The following RIMS1 variants were observed in gnomAD, a reference collection of about 807,000 sequenced individuals.
RIMS1 encodes regulating synaptic membrane exocytosis protein 1.
Under a neutral mutation model 214.1 loss-of-function variants are expected in RIMS1, and 83 were observed. That is an observed-to-expected ratio of 0.39 (90% CI 0.32 to 0.47). The LOEUF (loss-of-function observed/expected upper bound fraction) is 0.47. Ranked by LOEUF, RIMS1 falls within the 20% of genes least tolerant of loss-of-function variation. RIMS1 has a pLI of 0.99. For missense variants in RIMS1, 2,050 were observed against 2,161.8 expected (o/e 0.95, Z 1.03); for synonymous variants, 793 against 786.8 (o/e 1.01, Z -0.13).
intron 16 of RIMS1, among the ~76,000 whole-genome samples, chr6:72,255,245 T>C (rs973148670): frequency 1.3e-5 from 2 of 152,194 alleles, no homozygotes; most frequent in African/African-American, 2.4e-5. Context: ...TATGTACTTT[T>C]AGATGTTGGT....
intron 2 of RIMS1, among the ~76,000 whole-genome samples, chr6:72,057,141 G>A (rs1319901299): frequency 6.6e-6 from 1 of 152,094 alleles, no homozygotes; most frequent in African/African-American, 2.4e-5. Flanking sequence ...TAACAAACCT[G>A]CATTTGTACC....
intron 4 of RIMS1, among the ~76,000 whole-genome samples, chr6:72,149,144 A>T (rs937434809): frequency 2.0e-5 from 3 of 152,146 alleles, no homozygotes; most frequent in African/African-American, 7.2e-5. Context: ...ACAGGGGAAA[A>T]AAAAACTTTA....
At chr6:72,209,212 A>T (rs971057781) in intron 6 of RIMS1, among the ~76,000 whole-genome samples, 20 of 152,238 alleles carry the variant, frequency 1.3e-4, no homozygotes, top group African/African-American at 4.8e-4. Context: ...CCCCCTTGAT[A>T]GATAGCGTCA....
chr6:72,285,358 A>G (rs1225767917), intron 24 of RIMS1, among the ~76,000 whole-genome samples: 1 of 152,230 alleles, frequency 6.6e-6, no homozygotes, highest in East Asian at 1.9e-4. Flanking sequence ...TCAGTGATTC[A>G]TTCAGTTAAC....
At chr6:71,911,020 C>T (rs1430983013) in intron 1 of RIMS1, among the ~76,000 whole-genome samples, 1 of 152,036 alleles carries the variant, frequency 6.6e-6, no homozygotes, top group Admixed American at 6.6e-5. Flanking sequence ...CTAATTTAGG[C>T]ATTAGGTTCT....
intron 2 of RIMS1, among the ~76,000 whole-genome samples, chr6:72,026,709 C>A (rs1467068664): frequency 6.6e-6 from 1 of 152,114 alleles, no homozygotes; most frequent in Non-Finnish European, 1.5e-5. Context: ...ATCATTTCCA[C>A]CATCACCTCA....
At chr6:71,958,742 A>G (rs1466965528) in intron 1 of RIMS1, among the ~76,000 whole-genome samples, 1 of 152,164 alleles carries the variant, frequency 6.6e-6, no homozygotes. Flanking sequence ...AGGTGAGGCC[A>G]TAAAAATGAC....
chr6:72,381,970 A>G (rs2098498681), intron 29 of RIMS1, among the ~76,000 whole-genome samples: 1 of 152,236 alleles, frequency 6.6e-6, no homozygotes, highest in Non-Finnish European at 1.5e-5. Context: ...ATCACTAGGA[A>G]AGATTTGAAA....
chr6:72,217,285 A>G (rs1175533640), intron 6 of RIMS1: 1 of 1,461,784 alleles, frequency 6.8e-7, no homozygotes, highest in East Asian at 2.5e-5. Flanking sequence ...TGTAAAGTTA[A>G]TGTAATTTAT....
chr6:72,158,972 C>T (rs2044865399), intron 4 of RIMS1, among the ~76,000 whole-genome samples: 1 of 140,144 alleles, frequency 7.1e-6, no homozygotes, highest in African/African-American at 2.5e-5. Flanking sequence ...GAGGAATCGC[C>T]ACACTGACTT....
intron 2 of RIMS1, among the ~76,000 whole-genome samples, chr6:72,025,487 C>G (rs1300722757): frequency 6.6e-6 from 1 of 152,164 alleles, no homozygotes; most frequent in Non-Finnish European, 1.5e-5. Context: ...AGATAATACT[C>G]TTAACTATAA....
intron 27 of RIMS1, among the ~76,000 whole-genome samples, chr6:72,309,686 C>G (rs1333211752): frequency 6.6e-6 from 1 of 151,966 alleles, no homozygotes; most frequent in Non-Finnish European, 1.5e-5. Context: ...TACTATGGCT[C>G]TTACTGAATA....
intron 6 of RIMS1, among the ~76,000 whole-genome samples, chr6:72,210,710 T>G (rs2053657454): frequency 6.6e-6 from 1 of 152,232 alleles, no homozygotes; most frequent in South Asian, 2.1e-4. Context: ...GAATTCAAAT[T>G]CTGGTGTTGC....
intron 6 of RIMS1, among the ~76,000 whole-genome samples, chr6:72,204,867 G>A (rs1289784107): frequency 6.6e-6 from 1 of 152,054 alleles, no homozygotes; most frequent in Non-Finnish European, 1.5e-5. Flanking sequence ...GTATATAAAA[G>A]TACTGCTGAG....
intron 4 of RIMS1, among the ~76,000 whole-genome samples, chr6:72,100,653 A>G (rs1056753049): frequency 2.6e-5 from 4 of 151,900 alleles, no homozygotes; most frequent in African/African-American, 4.8e-5. Context: ...ATTTGGTGTA[A>G]ATTTTATACA....
chr6:72,122,610 C>G (rs896982919), intron 4 of RIMS1, among the ~76,000 whole-genome samples: 1 of 151,662 alleles, frequency 6.6e-6, no homozygotes, highest in Non-Finnish European at 1.5e-5. Flanking sequence ...TGGTCCTGGA[C>G]TTTTTTTGGT....
intron 2 of RIMS1, among the ~76,000 whole-genome samples, chr6:72,087,035 A>G (rs938069032): frequency 1.3e-5 from 2 of 152,234 alleles, no homozygotes; most frequent in Admixed American, 6.5e-5. Context: ...GTTTGATTGT[A>G]TATGTACCTT....
intron 4 of RIMS1, among the ~76,000 whole-genome samples, chr6:72,110,794 A>G (rs1263006372): frequency 6.6e-6 from 1 of 152,116 alleles, no homozygotes; most frequent in Non-Finnish European, 1.5e-5. Flanking sequence ...TTTCAAAGGG[A>G]ATTCTTCCAG....
intron 24 of RIMS1, 32 bp from the exon 25 acceptor site, chr6:72,290,647 A>T (rs779487198): frequency 6.3e-7 from 1 of 1,595,018 alleles, no homozygotes; most frequent in East Asian, 2.2e-5. Flanking sequence ...GAACCTGCTG[A>T]CTGAAGATCT....
Sources: gnomAD v4.1 joint callset for allele counts (sites outside exome capture counted in the v4.1 genomes callset) on GRCh38, gnomAD v4.1.1 for gene constraint, MANE v1.5 for transcripts, NCBI Gene and HGNC (gene_info 2026-07-23, HGNC 2026-07-21) for gene names.